CHODL: variants seen among roughly 807,000 people sequenced by gnomAD.
CHODL encodes chondrolectin.
Under a neutral mutation model 34.5 loss-of-function variants are expected in CHODL, and 29 were observed. That is an observed-to-expected ratio of 0.84 (90% CI 0.63 to 1.15). CHODL has a LOEUF of 1.15. Ranked by LOEUF, CHODL falls within the 50% of genes most tolerant of loss-of-function variation. CHODL has a pLI of 0.00. For synonymous variants in CHODL, 125 were observed against 116.1 expected (o/e 1.08, Z -0.49); for missense variants, 332 against 332.5 (o/e 1.00, Z 0.01).
chr21:18,114,483 G>A (rs541232752), intron 2 of CHODL, among the ~76,000 whole-genome samples: 3 of 151,844 alleles, frequency 2.0e-5, no homozygotes, highest in African/African-American at 7.2e-5. Context: ...ATGGAATTTC[G>A]CTCTTGTTGC....
chr21:18,215,652 C>T lies in CHODL; in HGVS notation c.-44-40857C>T, dbSNP rs139937139. 9.4e-4 allele frequency among the ~76,000 whole-genome samples: 143 copies of T among 152,256 alleles called. 4 individuals carry two copies. The East Asian group carries it at 0.026, about 28-fold the overall frequency. On this transcript the variant is annotated intron_variant, in intron 2 of 6. Transcript: ENST00000400127. ...TAGCATATTTAGCTTGTCCTTAAGT[C>T]ATCGATGATTCAGGGACCAAGTTAA... is the stretch of plus-strand genomic sequence containing the variant.
chr21:18,023,748 T>A (rs1447761234), intron 1 of CHODL, among the ~76,000 whole-genome samples: 2 of 152,218 alleles, frequency 1.3e-5, no homozygotes, highest in African/African-American at 2.4e-5. Flanking sequence ...ATGACCTTAA[T>A]ATTTTTGATC....
chr21:18,185,564 A>G (rs183903863), intron 2 of CHODL, among the ~76,000 whole-genome samples: 3 of 152,264 alleles, frequency 2.0e-5, no homozygotes, highest in African/African-American at 7.2e-5. Context: ...CACCTTCCAA[A>G]TAATCCTGGT....
intron 2 of CHODL, among the ~76,000 whole-genome samples, chr21:18,149,533 C>T (rs1261041517): frequency 6.6e-6 from 1 of 152,208 alleles, no homozygotes; most frequent in African/African-American, 2.4e-5. Flanking sequence ...ACACCCAAGG[C>T]ATAGTCTTTC....
intron 2 of CHODL, among the ~76,000 whole-genome samples, chr21:18,090,293 A>G (rs2065056399): frequency 6.6e-6 from 1 of 152,184 alleles, no homozygotes; most frequent in South Asian, 2.1e-4. Flanking sequence ...AGTGGATAAT[A>G]TGTCTTTTGT....
chr21:18,251,517 A>ATTTTATTTT (rs1351757397), intron 1 of CHODL, among the ~76,000 whole-genome samples: 803 of 72,130 alleles, frequency 0.011, 134 homozygotes, highest in Non-Finnish European at 0.015. Flanking sequence ...TTAATATATA[A>ATTTTATTTT]AATATTTATT....
chr21:18,138,171 A>G (rs1437999769), intron 2 of CHODL, among the ~76,000 whole-genome samples: 2 of 149,946 alleles, frequency 1.3e-5, no homozygotes, highest in Admixed American at 6.6e-5. Context: ...TTTTTTATGT[A>G]TAGTAGGTCC....
At chr21:17,950,405 A>G (rs754165705) in intron 1 of CHODL, among the ~76,000 whole-genome samples, 3 of 151,986 alleles carry the variant, frequency 2.0e-5, no homozygotes, top group East Asian at 1.9e-4. Context: ...AAAAATAGAC[A>G]TATTACAGAG....
intron 2 of CHODL, among the ~76,000 whole-genome samples, chr21:18,028,698 T>TAAAAAAA (rs34588468): frequency 4.7e-5 from 4 of 85,244 alleles, no homozygotes; most frequent in African/African-American, 9.2e-5. Flanking sequence ...AAACTCCATC[T>TAAAAAAA]AAAAAAAAAA....
At chr21:18,194,730 T>C (rs2073561920) in intron 2 of CHODL, among the ~76,000 whole-genome samples, 1 of 152,146 alleles carries the variant, frequency 6.6e-6, no homozygotes, top group Non-Finnish European at 1.5e-5. Flanking sequence ...TTGACATATC[T>C]ATCACCTTAC....
At chr21:18,168,036 T>C (rs1227195496) in intron 2 of CHODL, among the ~76,000 whole-genome samples, 2 of 152,138 alleles carry the variant, frequency 1.3e-5, no homozygotes, top group East Asian at 3.9e-4. Context: ...ATCTTTCTCC[T>C]GTGATGAATT....
intron 1 of CHODL, among the ~76,000 whole-genome samples, chr21:17,976,952 A>G (rs887847391): frequency 6.6e-6 from 1 of 152,148 alleles, no homozygotes; most frequent in African/African-American, 2.4e-5. Context: ...TGTCAGTTTC[A>G]TCATATAAAC....
chr21:18,138,076 T>C (rs1394578754), intron 2 of CHODL, among the ~76,000 whole-genome samples: 2 of 152,138 alleles, frequency 1.3e-5, no homozygotes, highest in East Asian at 3.8e-4. Context: ...GCCCTTCCTA[T>C]GAAACAGCAT....
intron 2 of CHODL, among the ~76,000 whole-genome samples, chr21:18,042,185 T>C (rs1030109979): frequency 1.3e-5 from 2 of 151,966 alleles, no homozygotes; most frequent in Admixed American, 6.6e-5. Flanking sequence ...TTTTTAATTT[T>C]AATATTTTAG....
chr21:18,204,427 A>G lies in CHODL; in HGVS notation c.-44-52082A>G, dbSNP rs142329598. On this transcript the variant is annotated intron_variant, in intron 2 of 6. Coordinates refer to the CHODL transcript ENST00000400127. ...ACTAGTATAACTATTGAAATGGAAC[A>G]GAAACCCTTACCGGCAACTATTTAA... Among the ~76,000 whole-genome samples, 1,226 of 152,268 alleles carry G rather than the reference A, an allele frequency of 8.1e-3. 29 individuals carry two copies. The South Asian group carries it at 0.1, about 13-fold the overall frequency.
intron 1 of CHODL, among the ~76,000 whole-genome samples, chr21:17,949,595 A>C (rs1420694097): frequency 6.6e-6 from 1 of 152,158 alleles, no homozygotes; most frequent in Non-Finnish European, 1.5e-5. Context: ...AACCTGCCAA[A>C]TATATGGAAT....
In CHODL at chr21:18,167,201, TTCTC is replaced by T. The variant is rs72086452; in HGVS notation, c.-44-89300_-44-89297del. Among the ~76,000 whole-genome samples the T allele has an allele frequency of 3.7e-3, 500 of 135,870 alleles. 7 individuals carry two copies. Among genetic ancestry groups the T allele is most frequent in the Admixed American group, 0.015 (197 of 13,526 alleles). 89.1% of individuals were successfully genotyped at this position (135,870 alleles called of 152,430 possible). On this transcript the variant is annotated intron_variant, in intron 2 of 6. Transcript: ENST00000400127. ...TAAAAAGTTATTTCACCATTCCCAT[TTCTC>T]TCTCTCTGTGTGTGTGTGTGTGTGT...
chr21:18,107,646 GTT>G (rs966252425), intron 2 of CHODL, among the ~76,000 whole-genome samples: 6 of 152,196 alleles, frequency 3.9e-5, no homozygotes, highest in African/African-American at 1.4e-4. Context: ...TAGCATCAGG[GTT>G]TGCTGTGTGG....
upstream of CHODL, among the ~76,000 whole-genome samples, chr21:18,241,249 T>TTAAA (rs774290650): frequency 6.9e-6 from 1 of 145,124 alleles, no homozygotes; most frequent in Non-Finnish European, 1.5e-5. Context: ...ATTACTCAGA[T>TTAAA]AAAAAAAAAA....
Sources: gnomAD v4.1 joint callset for allele counts (sites outside exome capture counted in the v4.1 genomes callset) on GRCh38, gnomAD v4.1.1 for gene constraint, MANE v1.5 for transcripts, NCBI Gene and HGNC (gene_info 2026-07-23, HGNC 2026-07-21) for gene names.